NRXN3: variants seen among roughly 807,000 people sequenced by gnomAD.
The protein encoded by NRXN3 is neurexin III.
A neutral mutation model predicts 137.6 loss-of-function variants in NRXN3; 32 were observed. The ratio of observed to expected loss-of-function variants is 0.23; its 90% CI spans 0.18 to 0.31. The LOEUF (loss-of-function observed/expected upper bound fraction) is 0.31, where lower values mean the gene tolerates loss of function less well. NRXN3 is among the 10% of genes least tolerant of loss of function. NRXN3 has a pLI of 1.00. For synonymous variants in NRXN3, 798 were observed against 784.5 expected, an observed-to-expected ratio of 1.02 and a Z score of -0.29; for missense variants, 1,574 against 2,062.5, an observed-to-expected ratio of 0.76 and a Z score of 4.59.
chr14:78,845,650 G>C (rs1274490964), intron 10 of NRXN3, among the ~76,000 whole-genome samples: 1 of 151,946 alleles, frequency 6.6e-6, no homozygotes, highest in South Asian at 2.1e-4. Context: ...GTAGGCAAAA[G>C]GTAGAGTAAT....
rs554424136 is a variant in NRXN3, at chr14:79,334,328, T to G, written c.3263-132893T>G. On this transcript the variant is annotated intron_variant, in intron 15 of 20. Transcript: ENST00000335750. The stretch of plus-strand genomic sequence containing the variant: ...GGCATGCTATTTTGGGTGGAGAAGG[T>G]TTCTTTGTGGCAGTGACATTGAAAT... 2.7e-4 allele frequency among the ~76,000 whole-genome samples: 41 copies of G among 152,278 alleles called. 1 individual carries two copies. In the South Asian group the frequency reaches 8.3e-3, roughly 31 times the overall value.
chr14:79,535,865 C>T (rs2097206367), intron 16 of NRXN3, among the ~76,000 whole-genome samples: 1 of 152,124 alleles, frequency 6.6e-6, no homozygotes, highest in African/African-American at 2.4e-5. Context: ...GGGTTTGCCC[C>T]TATAACAAGG....
intron 10 of NRXN3, among the ~76,000 whole-genome samples, chr14:78,892,774 CTGTGTGTGTGTGTGTGTGTG>C (rs58718552): frequency 0.015 from 2,073 of 140,140 alleles, 59 homozygotes; most frequent in African/African-American, 0.05. Flanking sequence ...CCCCCATCTT[CTGTGTGTGTGTGTGTGTGTG>C]TGTGTGTGTG....
intron 4 of NRXN3, among the ~76,000 whole-genome samples, chr14:78,317,774 A>G (rs1442290782): frequency 6.6e-6 from 1 of 152,216 alleles, no homozygotes; most frequent in Non-Finnish European, 1.5e-5. Flanking sequence ...ACACTTCACA[A>G]GTCTACCCCT....
intron 10 of NRXN3, among the ~76,000 whole-genome samples, chr14:78,832,123 T>C (rs1421140607): frequency 6.6e-6 from 1 of 152,052 alleles, no homozygotes; most frequent in Non-Finnish European, 1.5e-5. Context: ...GGAACTCAGC[T>C]GTGGTTTAAA....
chr14:79,028,912 C>A (rs1265904990), intron 15 of NRXN3, among the ~76,000 whole-genome samples: 2 of 152,064 alleles, frequency 1.3e-5, no homozygotes, highest in Non-Finnish European at 2.9e-5. Context: ...TTGTTCCAGA[C>A]CAAGTGCAGA....
chr14:78,945,347 A>AT (rs763524062), intron 10 of NRXN3, among the ~76,000 whole-genome samples: 4 of 150,994 alleles, frequency 2.6e-5, no homozygotes, highest in Non-Finnish European at 5.9e-5. Flanking sequence ...ATCTGGCCTT[A>AT]TTTTTTTTCT....
chr14:78,294,375 C>A (rs1206210646), intron 3 of NRXN3, among the ~76,000 whole-genome samples: 1 of 151,926 alleles, frequency 6.6e-6, no homozygotes, highest in African/African-American at 2.4e-5. Flanking sequence ...GCTAACATGG[C>A]AAAACCCCGT....
intron 10 of NRXN3, among the ~76,000 whole-genome samples, chr14:78,826,474 G>C (rs80260473): frequency 2.0e-5 from 3 of 152,128 alleles, no homozygotes; most frequent in Admixed American, 6.5e-5. Flanking sequence ...ACATGCACAC[G>C]CATAAATTCA....
At chr14:79,529,952 G>A (rs148907529) in intron 16 of NRXN3, among the ~76,000 whole-genome samples, 2,406 of 152,244 alleles carry the variant, frequency 0.016, 28 homozygotes, top group East Asian at 0.054. Flanking sequence ...GTTTGGTTTT[G>A]AATTACTTAT....
rs76811917 is a variant in NRXN3, at chr14:79,374,617, C to T, written c.3263-92604C>T. ...ACCCCTTATCTTGACTTAAGCATCC[C>T]TTTGTATTGACCTCAAGTCTTTAGA... On this transcript the variant is annotated intron_variant, in intron 15 of 20. Transcript: ENST00000335750. 0.016 allele frequency among the ~76,000 whole-genome samples: 2,381 copies of T among 152,094 alleles called. 97 individuals carry two copies. The East Asian group carries it at 0.17, about 11-fold the overall frequency.
At chr14:79,842,369 C>T (rs181825069) in intron 20 of NRXN3, among the ~76,000 whole-genome samples, 12 of 152,162 alleles carry the variant, frequency 7.9e-5, no homozygotes, top group Admixed American at 2.0e-4. Flanking sequence ...ACCTAAATAA[C>T]GAGAAAGACC....
chr14:79,714,732 C>T (rs930453392), intron 19 of NRXN3, among the ~76,000 whole-genome samples: 5 of 152,148 alleles, frequency 3.3e-5, no homozygotes, highest in Admixed American at 6.5e-5. Flanking sequence ...CTCTCTCTCC[C>T]TCATTTTCAG....
chr14:78,510,005 C>T (rs1199933559), intron 4 of NRXN3, among the ~76,000 whole-genome samples: 1 of 148,654 alleles, frequency 6.7e-6, no homozygotes, highest in African/African-American at 2.6e-5. Context: ...TTTCTGTTTT[C>T]TGAATGTCCA....
At chr14:78,455,221 G>A (rs1305674232) in intron 4 of NRXN3, among the ~76,000 whole-genome samples, 3 of 152,156 alleles carry the variant, frequency 2.0e-5, no homozygotes, top group African/African-American at 4.8e-5. Flanking sequence ...AGATTCCCCA[G>A]CCCTCCTTCT....
chr14:79,196,963 G>A (rs2065223870), intron 15 of NRXN3, among the ~76,000 whole-genome samples: 1 of 152,124 alleles, frequency 6.6e-6, no homozygotes, highest in African/African-American at 2.4e-5. Flanking sequence ...AATCTCAGCT[G>A]GGCTCACTCA....
chr14:78,456,805 CTT>C lies in NRXN3; in HGVS notation c.757+158947_757+158948del, dbSNP rs879611835. Among the ~76,000 whole-genome samples, 773 of 106,206 alleles carry C rather than the reference CTT, an allele frequency of 7.3e-3. 7 individuals carry two copies. Among genetic ancestry groups the C allele is most frequent in the Non-Finnish European group, 0.012 (547 of 47,408 alleles). The allele number at this position is 106,206 out of a possible 152,430, so 69.7% of individuals were successfully genotyped here. ...CCTTTCTCTCTCTCTTTCTCTCTTT[CTT>C]TCTTTCTTTCTTTCTTTCTTTCTTT... On this transcript the variant is annotated intron_variant, in intron 4 of 20. Coordinates refer to ENST00000335750, the MANE Select transcript of NRXN3 (RefSeq NM_001330195.2).
chr14:78,988,763 G>A (rs1450798300), intron 15 of NRXN3, among the ~76,000 whole-genome samples: 2 of 145,132 alleles, frequency 1.4e-5, no homozygotes, highest in Non-Finnish European at 3.0e-5. Flanking sequence ...ATGTATGTGT[G>A]TATATATATG....
intron 10 of NRXN3, among the ~76,000 whole-genome samples, chr14:78,881,123 G>A (rs1163788320): frequency 1.3e-5 from 2 of 151,596 alleles, no homozygotes; most frequent in South Asian, 2.1e-4. Context: ...CTTCCACCAT[G>A]ATTGTAAGTT....
Sources: allele counts gnomAD v4.1 joint callset (sites outside exome capture counted in the v4.1 genomes callset), GRCh38; gene constraint gnomAD v4.1.1; transcripts MANE v1.5; gene names NCBI Gene and HGNC (gene_info 2026-07-23, HGNC 2026-07-21).